Variants in SPATS2 observed in about 807,000 individuals in gnomAD.
SPATS2 encodes the protein spermatogenesis associated serine rich 2.
A neutral mutation model predicts 63.7 loss-of-function variants in SPATS2; 38 were observed. That is an observed-to-expected ratio of 0.60 (90% CI 0.46 to 0.78). The LOEUF (loss-of-function observed/expected upper bound fraction) is 0.78. SPATS2 is among the 30% of genes least tolerant of loss of function. The pLI is 0.00. For missense variants in SPATS2, 588 were observed against 666.2 expected (o/e 0.88, Z 1.29); for synonymous variants, 207 against 232.9 (o/e 0.89, Z 1.01).
intron 2 of SPATS2, among the ~76,000 whole-genome samples, chr12:49,434,796 C>T (rs1221008570): frequency 2.0e-5 from 3 of 152,048 alleles, no homozygotes; most frequent in Admixed American, 2.0e-4. Context: ...GGGTACTAAT[C>T]CCAGACTGAC....
rs138970111 is a variant in SPATS2, at chr12:49,457,531, T to G, written c.-243-3239T>G. The stretch of plus-strand genomic sequence containing the variant: ...TCACTGCAACCTCCGCCTCCCGGGT[T>G]CAAGCAATTCTCCTTCCTCAGCCTC... On this transcript the variant is annotated intron_variant, in intron 2 of 13. Coordinates refer to ENST00000552918, the MANE Select transcript of SPATS2 (RefSeq NM_023071.4). 7.5e-3 allele frequency among the ~76,000 whole-genome samples: 1,140 copies of G among 152,142 alleles called. 10 individuals are homozygous for G. Among genetic ancestry groups the G allele is most frequent in the African/African-American group, 0.026 (1,073 of 41,476 alleles).
chr12:49,412,207 A>C lies in SPATS2; in HGVS notation c.-244+40917A>C, dbSNP rs150656415. Reference sequence around the variant, plus strand: ...ATTACCTAATAATTTATTTTATTTTATTTTTGAGATGGATTCTCTCTCTGT... The same window carrying C: ...ATTACCTAATAATTTATTTTATTTTCTTTTTGAGATGGATTCTCTCTCTGT... On this transcript the variant is annotated intron_variant, in intron 2 of 13. Coordinates refer to ENST00000552918, the MANE Select transcript of SPATS2 (RefSeq NM_023071.4). Among the ~76,000 whole-genome samples the C allele has an allele frequency of 7.9e-5, 12 of 152,088 alleles. No homozygotes were observed. The East Asian group carries it at 2.3e-3, about 29-fold the overall frequency.
At position 49,496,896 on chromosome 12, in the gene SPATS2, AC is replaced by A; in HGVS notation, c.591del (p.His197GlnfsTer38). On this transcript the variant is annotated frameshift_variant, in exon 8 of 14. Transcript: ENST00000552918. LOFTEE classifies it high-confidence loss of function. ...AAGTCTTTGACTATGCACTCTATTC[AC>A]AATTCTCAACAACCCAGGAATGCTG... ...ETKSLTMHSI[H>X]NSQQPRNAAK... 1.2e-6 allele frequency: 2 copies of A among 1,613,994 alleles called. No homozygotes were observed. The highest frequency in any genetic ancestry group is 4.5e-5 in the East Asian group (2 of 44,858).
intron 3 of SPATS2, among the ~76,000 whole-genome samples, chr12:49,465,366 CT>C (rs61653533): frequency 1.1e-4 from 16 of 149,406 alleles, no homozygotes; most frequent in Admixed American, 8.0e-4. Context: ...TATGGTCAGT[CT>C]TTTTTTTTTA....
chr12:49,388,773 C>A (rs1279995282), intron 2 of SPATS2, among the ~76,000 whole-genome samples: 1 of 151,532 alleles, frequency 6.6e-6, no homozygotes, highest in Non-Finnish European at 1.5e-5. Context: ...TAGCTCACTT[C>A]AGCCTCAACC....
At chr12:49,379,821 C>T (rs112672694) in intron 2 of SPATS2, among the ~76,000 whole-genome samples, 13,991 of 151,906 alleles carry the variant, frequency 0.092, 753 homozygotes, top group African/African-American at 0.14. Flanking sequence ...TGGGGTTTCA[C>T]CATATTGATC....
chr12:49,393,422 GTATT>G (rs770702265), intron 2 of SPATS2, among the ~76,000 whole-genome samples: 30 of 152,058 alleles, frequency 2.0e-4, no homozygotes, highest in Non-Finnish European at 3.2e-4. Context: ...TTATTATTCT[GTATT>G]TATTAGGTAG....
chr12:49,436,865 C>G (rs537833877), intron 2 of SPATS2, among the ~76,000 whole-genome samples: 28 of 137,916 alleles, frequency 2.0e-4, no homozygotes, highest in African/African-American at 6.6e-4. Flanking sequence ...GGGGGGCTGA[C>G]CCCCCCACCT....
intron 2 of SPATS2, among the ~76,000 whole-genome samples, chr12:49,448,329 CG>C (rs1438074899): frequency 6.6e-6 from 1 of 151,448 alleles, no homozygotes; most frequent in Non-Finnish European, 1.5e-5. Flanking sequence ...TTAGTAGAAA[CG>C]GGGTTTCACC....
chr12:49,508,085 A>G (rs887469301), intron 9 of SPATS2, among the ~76,000 whole-genome samples: 2 of 152,138 alleles, frequency 1.3e-5, no homozygotes, highest in African/African-American at 4.8e-5. Context: ...CCACTACACC[A>G]TTCTTTTGTT....
intron 2 of SPATS2, among the ~76,000 whole-genome samples, chr12:49,455,742 C>G: frequency 6.6e-6 from 1 of 152,326 alleles, no homozygotes; most frequent in East Asian, 1.9e-4. Flanking sequence ...CCACCTCACC[C>G]GCCTAAGTAG....
intron 2 of SPATS2, among the ~76,000 whole-genome samples, chr12:49,373,957 G>A (rs1366513220): frequency 2.6e-5 from 4 of 151,722 alleles, no homozygotes; most frequent in African/African-American, 9.7e-5. Flanking sequence ...AGTGGTTGGC[G>A]CCTGTAGTCA....
chr12:49,476,253 C>A lies in SPATS2; in HGVS notation c.26-8337C>A, dbSNP rs555471190. On this transcript the variant is annotated intron_variant, in intron 3 of 13. Transcript: ENST00000552918. ...AATGCAACGACAGTCACCCGCACGC[C>A]AGCAGGTCACCAACCGGCAGAATGA... 1.6e-4 allele frequency among the ~76,000 whole-genome samples: 24 copies of A among 152,240 alleles called. No homozygotes were observed. In the South Asian group the frequency reaches 5.0e-3, roughly 32 times the overall value.
chr12:49,381,009 G>A (rs1052242479), intron 2 of SPATS2, among the ~76,000 whole-genome samples: 19 of 151,686 alleles, frequency 1.3e-4, no homozygotes, highest in African/African-American at 4.6e-4. Context: ...TACCAGCAAC[G>A]TATGAGGAGT....
intron 10 of SPATS2, among the ~76,000 whole-genome samples, chr12:49,517,941 T>G (rs1285526859): frequency 6.6e-6 from 1 of 152,154 alleles, no homozygotes; most frequent in Non-Finnish European, 1.5e-5. Context: ...TTTGCTACAG[T>G]CCTCCACTAC....
chr12:49,486,985 TTC>T (rs1009366821), intron 4 of SPATS2, among the ~76,000 whole-genome samples: 1 of 152,162 alleles, frequency 6.6e-6, no homozygotes, highest in African/African-American at 2.4e-5. Flanking sequence ...CATGTATTTC[TTC>T]TCTCTTAACC....
At chr12:49,367,402 G>T (rs888546591), upstream of SPATS2, 8 of 397,010 alleles carry the variant, frequency 2.0e-5, no homozygotes, top group South Asian at 2.5e-4. Flanking sequence ...GAGAAGTGGG[G>T]AGGCGGCGGT....
intron 2 of SPATS2, among the ~76,000 whole-genome samples, chr12:49,450,490 C>T (rs532469909): frequency 4.6e-5 from 7 of 152,040 alleles, no homozygotes; most frequent in South Asian, 2.1e-4. Flanking sequence ...ATGATCCGCC[C>T]GCCTCGGCCT....
At position 49,395,664 on chromosome 12, in the gene SPATS2, G is replaced by C. The variant is rs1207962979; in HGVS notation, c.-244+24374G>C. On this transcript the variant is annotated intron_variant, in intron 2 of 13. Transcript: ENST00000552918. ...TGGTCTTGAACTCCTGACCGCAGGT[G>C]ATCCACCCGCCTCAGCCTCCCAAAG... Among the ~76,000 whole-genome samples, 4 of 151,334 alleles carry C rather than the reference G, an allele frequency of 2.6e-5. No homozygotes were observed. In the South Asian group the frequency reaches 8.4e-4, roughly 32 times the overall value.
Sources: allele counts gnomAD v4.1 joint callset (sites outside exome capture counted in the v4.1 genomes callset), GRCh38; gene constraint gnomAD v4.1.1; transcripts MANE v1.5; gene names NCBI Gene and HGNC (gene_info 2026-07-23, HGNC 2026-07-21).